The following KIFAP3 variants were observed in gnomAD, a reference collection of about 807,000 sequenced individuals.
KIFAP3 encodes kinesin-associated protein 3.
In KIFAP3, 68 loss-of-function variants were observed where a neutral mutation model predicts 106.5. That is an observed-to-expected ratio of 0.64 (90% CI 0.53 to 0.78). The LOEUF is 0.78. KIFAP3 is among the 30% of genes least tolerant of loss of function. KIFAP3 has a pLI of 0.00. For missense variants in KIFAP3, 780 were observed against 941.8 expected (o/e 0.83, Z 2.25); for synonymous variants, 320 against 311.5 (o/e 1.03, Z -0.29).
chr1:169,933,120 A>C lies in KIFAP3; in HGVS notation c.2274-11339T>G, dbSNP rs191260363. ...AACAGCTAAGCATGATAACTTAAAA[A>C]ATTTGATTCTAAACTTATAAATGCA... is the stretch of plus-strand genomic sequence containing the variant. On this transcript the variant is annotated intron_variant, in intron 19 of 19. Transcript: ENST00000361580. 3.3e-5 allele frequency among the ~76,000 whole-genome samples: 5 copies of C among 152,194 alleles called. No individual in the cohort carries two copies. The East Asian group carries it at 9.6e-4, about 29-fold the overall frequency.
chr1:170,027,173 C>G (rs939257789), intron 8 of KIFAP3, among the ~76,000 whole-genome samples: 1 of 152,058 alleles, frequency 6.6e-6, no homozygotes, highest in Non-Finnish European at 1.5e-5. Flanking sequence ...GCATCCACCA[C>G]CAACGCCTGG....
Position 170,035,440 on chromosome 1 carries a change from A to T in KIFAP3, c.617+14T>A. 2 of 1,530,000 alleles carry T rather than the reference A, an allele frequency of 1.3e-6. No homozygotes were observed. The highest frequency in any genetic ancestry group is 1.9e-5 in the Admixed American group (1 of 52,818). The allele number at this position is 1,530,000 out of a possible 1,614,324, so 94.8% of individuals were successfully genotyped here. A position where few individuals can be genotyped will look rare whatever the true frequency, so the allele number is the denominator to read the frequency against. ...GATACAGTAGCCTTTTTATTTAATA[A>T]TTTTTATACTTACCTGGAGAAACAA... On this transcript the variant is annotated intron_variant, in intron 6 of 19. Transcript: ENST00000361580.
intron 10 of KIFAP3, among the ~76,000 whole-genome samples, chr1:170,015,894 C>A (rs530924640): frequency 6.6e-6 from 1 of 152,206 alleles, no homozygotes; most frequent in South Asian, 2.1e-4. Flanking sequence ...AACTTATAAA[C>A]TGAATTCTCC....
At chr1:169,953,867 A>G (rs1664866237) in intron 19 of KIFAP3, 144 bp downstream of exon 19, 5 of 671,222 alleles carry the variant, frequency 7.4e-6, no homozygotes, top group Non-Finnish European at 1.3e-5. Flanking sequence ...GTTAATTTAA[A>G]ATCAAACAAA....
upstream of KIFAP3, among the ~76,000 whole-genome samples, chr1:170,077,885 GT>G (rs80179703): frequency 0.092 from 13,299 of 144,504 alleles, 1,509 homozygotes; most frequent in African/African-American, 0.27. Flanking sequence ...TTTCGGTCCT[GT>G]TTTTTTTTTT....
intron 19 of KIFAP3, among the ~76,000 whole-genome samples, chr1:169,940,960 G>C (rs1395091403): frequency 6.7e-6 from 1 of 149,600 alleles, no homozygotes; most frequent in African/African-American, 2.5e-5. Context: ...TGTGTTTAAA[G>C]ACAACAAAAA....
At position 169,973,112 on chromosome 1, in the gene KIFAP3, T is replaced by TATATAC; in HGVS notation, c.1898-515_1898-514insGTATAT. ...TAATTTAAAAAATAGTGTGTATATA[T>TATATAC]ATATATATATAAACAACACAAATCA... On this transcript the variant is annotated intron_variant, in intron 16 of 19. Coordinates refer to ENST00000361580, the MANE Select transcript of KIFAP3 (RefSeq NM_014970.4). Among the ~76,000 whole-genome samples the TATATAC allele has an allele frequency of 1.4e-5, 2 of 138,738 alleles. 1 individual carries two copies. The highest frequency in any genetic ancestry group is 1.5e-4 in the Admixed American group (2 of 13,610). The allele number at this position is 138,738 out of a possible 152,430, so 91.0% of individuals were successfully genotyped here.
At chr1:170,084,373 A>G (rs1043680210) in intron 1 of KIFAP3, among the ~76,000 whole-genome samples, 2 of 152,260 alleles carry the variant, frequency 1.3e-5, no homozygotes, top group African/African-American at 4.8e-5. Context: ...ATCACAGTGC[A>G]TGGCACGTAG....
chr1:170,076,231 A>AC (rs1282121312), upstream of KIFAP3, among the ~76,000 whole-genome samples: 1 of 152,172 alleles, frequency 6.6e-6, no homozygotes, highest in Non-Finnish European at 1.5e-5. Flanking sequence ...AACAACAACA[A>AC]AAAAACCTAA....
At chr1:170,073,740 T>G (rs932583714) in intron 1 of KIFAP3, among the ~76,000 whole-genome samples, 2 of 152,062 alleles carry the variant, frequency 1.3e-5, no homozygotes, top group African/African-American at 4.8e-5. Context: ...ATGATCTGAG[T>G]ATTTGCCAGC....
rs577149129 is a variant in KIFAP3, at chr1:169,971,284, T to C, written c.1983+1229A>G. Among the ~76,000 whole-genome samples, 9 of 152,150 alleles carry C rather than the reference T, an allele frequency of 5.9e-5. 1 individual carries two copies. The East Asian group carries it at 1.7e-3, about 29-fold the overall frequency. On this transcript the variant is annotated intron_variant, in intron 17 of 19. Coordinates refer to ENST00000361580, the MANE Select transcript of KIFAP3 (RefSeq NM_014970.4). ...TCACATACAGAACTATAAGAAGTTT[T>C]TTGTTCTTATACTATATACTTTATA...
chr1:170,043,092 T>C (rs555193097), intron 3 of KIFAP3, among the ~76,000 whole-genome samples: 7 of 152,322 alleles, frequency 4.6e-5, no homozygotes, highest in Admixed American at 1.3e-4. Context: ...TGCAGTTCCA[T>C]GCCATGGATG....
chr1:169,928,342 C>G (rs1012209375), intron 19 of KIFAP3, among the ~76,000 whole-genome samples: 1 of 152,074 alleles, frequency 6.6e-6, no homozygotes, highest in African/African-American at 2.4e-5. Context: ...TCATGATCCA[C>G]CCATTTTGGC....
intron 19 of KIFAP3, among the ~76,000 whole-genome samples, chr1:169,943,952 A>G (rs1338016591): frequency 6.6e-6 from 1 of 152,204 alleles, no homozygotes; most frequent in African/African-American, 2.4e-5. Context: ...TTTTAAATTT[A>G]TAGACTCAAT....
intron 19 of KIFAP3, among the ~76,000 whole-genome samples, chr1:169,940,143 T>C (rs551761628): frequency 5.9e-5 from 9 of 152,200 alleles, no homozygotes; most frequent in Non-Finnish European, 1.3e-4. Flanking sequence ...TCTTTCATTG[T>C]AATAGAAGAA....
chr1:170,056,911 A>T (rs979516560), intron 1 of KIFAP3, among the ~76,000 whole-genome samples: 1 of 152,102 alleles, frequency 6.6e-6, no homozygotes, highest in Admixed American at 6.6e-5. Context: ...GGAATTAGGA[A>T]ATGAGATATA....
chr1:170,038,597 T>C (rs1669810034), intron 4 of KIFAP3, among the ~76,000 whole-genome samples, 166 bp from the exon 5 acceptor site: 1 of 152,148 alleles, frequency 6.6e-6, no homozygotes, highest in African/African-American at 2.4e-5. Flanking sequence ...CCTTTAGACC[T>C]AGGACTCTAA....
intron 1 of KIFAP3, among the ~76,000 whole-genome samples, chr1:170,062,315 A>AGGTGAATATCAATGC (rs1324393970): frequency 6.6e-6 from 1 of 150,780 alleles, no homozygotes; most frequent in East Asian, 1.9e-4. Context: ...CTGTTGCTTA[A>AGGTGAATATCAATGC]CACCTTGATA....
At chr1:169,976,022 G>T (rs527261) in intron 16 of KIFAP3, among the ~76,000 whole-genome samples, 35,988 of 152,016 alleles carry the variant, frequency 0.24, 4,696 homozygotes, top group Non-Finnish European at 0.3. Flanking sequence ...GAAAAGAAAG[G>T]TCAAATAGGA....
Sources: gnomAD v4.1 joint callset for allele counts (sites outside exome capture counted in the v4.1 genomes callset) on GRCh38, gnomAD v4.1.1 for gene constraint, MANE v1.5 for transcripts, NCBI Gene and HGNC (gene_info 2026-07-23, HGNC 2026-07-21) for gene names.